GALNTL6: variants seen among roughly 807,000 people sequenced by gnomAD.
GALNTL6 encodes the protein polypeptide N-acetylgalactosaminyltransferase like 6, also known as polypeptide N-acetylgalactosaminyltransferase-like 6.
In GALNTL6, 46 loss-of-function variants were observed where a neutral mutation model predicts 73.7. The observed-to-expected ratio is 0.62, with a 90% CI of 0.49 to 0.80. The LOEUF is 0.80. Ranked by LOEUF, GALNTL6 falls within the 30% of genes least tolerant of loss-of-function variation. GALNTL6 has a pLI of 0.00. For synonymous variants in GALNTL6, 259 were observed against 263.7 expected (o/e 0.98, Z 0.17); for missense variants, 604 against 755.0 (o/e 0.80, Z 2.34).
chr4:172,207,084 T>C (rs567622448), intron 2 of GALNTL6, among the ~76,000 whole-genome samples: 4 of 151,964 alleles, frequency 2.6e-5, no homozygotes, highest in African/African-American at 9.7e-5. Context: ...CCCAAAGTGC[T>C]GGGATTACAG....
chr4:172,103,728 A>G (rs1410094722), intron 2 of GALNTL6, among the ~76,000 whole-genome samples: 2 of 152,162 alleles, frequency 1.3e-5, no homozygotes, highest in African/African-American at 4.8e-5. Context: ...TATCTGTGCT[A>G]GAAGAAAAGG....
intron 2 of GALNTL6, among the ~76,000 whole-genome samples, chr4:171,849,158 T>C (rs1395812440): frequency 1.3e-5 from 2 of 152,206 alleles, no homozygotes; most frequent in Admixed American, 1.3e-4. Flanking sequence ...TTTTAGCTTT[T>C]GATTTAAGCT....
intron 5 of GALNTL6, among the ~76,000 whole-genome samples, chr4:172,702,306 G>A (rs1005521802): frequency 6.6e-6 from 1 of 151,978 alleles, no homozygotes; most frequent in African/African-American, 2.4e-5. Context: ...CAATATTTAT[G>A]CCTTCATTTA....
At chr4:172,642,571 G>A (rs1223960784) in intron 5 of GALNTL6, among the ~76,000 whole-genome samples, 2 of 151,858 alleles carry the variant, frequency 1.3e-5, no homozygotes, top group Non-Finnish European at 2.9e-5. Flanking sequence ...CAGGGGTGGT[G>A]GGAGACAGGG....
At chr4:172,707,990 A>C (rs1345000536) in intron 5 of GALNTL6, among the ~76,000 whole-genome samples, 1 of 152,102 alleles carries the variant, frequency 6.6e-6, no homozygotes, top group Non-Finnish European at 1.5e-5. Flanking sequence ...AACCTGACTA[A>C]AGTTTGGTCA....
intron 5 of GALNTL6, among the ~76,000 whole-genome samples, chr4:172,700,146 A>G (rs1356616687): frequency 1.3e-5 from 2 of 152,212 alleles, no homozygotes; most frequent in Non-Finnish European, 2.9e-5. Flanking sequence ...TTAAAATCAT[A>G]ACCTTGTAAT....
chr4:172,535,604 C>T (rs115990523), intron 5 of GALNTL6, among the ~76,000 whole-genome samples: 49 of 152,206 alleles, frequency 3.2e-4, no homozygotes, highest in African/African-American at 9.9e-4. Flanking sequence ...CACAGTTCCC[C>T]GAAGTAACTA....
intron 2 of GALNTL6, among the ~76,000 whole-genome samples, chr4:171,840,615 G>T (rs1735213498): frequency 1.3e-5 from 2 of 152,140 alleles, no homozygotes; most frequent in African/African-American, 4.8e-5. Flanking sequence ...AGGAGTGTGG[G>T]TAGCCTTTGG....
At chr4:171,907,992 A>T (rs1288510482) in intron 2 of GALNTL6, among the ~76,000 whole-genome samples, 1 of 152,002 alleles carries the variant, frequency 6.6e-6, no homozygotes, top group Non-Finnish European at 1.5e-5. Flanking sequence ...ACAAAAATTA[A>T]TTCAAGATGG....
chr4:172,966,961 T>A (rs975023794), intron 10 of GALNTL6, among the ~76,000 whole-genome samples: 3 of 152,210 alleles, frequency 2.0e-5, no homozygotes, highest in Non-Finnish European at 2.9e-5. Flanking sequence ...CGGTCAGTCT[T>A]AGATTTTGTA....
At chr4:172,496,915 T>A (rs533391385) in intron 5 of GALNTL6, among the ~76,000 whole-genome samples, 1 of 152,360 alleles carries the variant, frequency 6.6e-6, no homozygotes, top group Admixed American at 6.5e-5. Context: ...GTGTTATCAT[T>A]ATGTGATTAT....
intron 5 of GALNTL6, among the ~76,000 whole-genome samples, chr4:172,807,328 A>G (rs954622235): frequency 1.3e-5 from 2 of 152,370 alleles, no homozygotes; most frequent in East Asian, 1.9e-4. Context: ...TGCAAGAGAT[A>G]CAAGATGATG....
intron 5 of GALNTL6, among the ~76,000 whole-genome samples, chr4:172,758,912 A>T (rs1737907521): frequency 6.6e-6 from 1 of 152,240 alleles, no homozygotes; most frequent in Non-Finnish European, 1.5e-5. Flanking sequence ...ATGCGAGGAC[A>T]ATAAAAGTCC....
At chr4:172,651,299 T>C (rs1740466222) in intron 5 of GALNTL6, among the ~76,000 whole-genome samples, 1 of 152,218 alleles carries the variant, frequency 6.6e-6, no homozygotes, top group South Asian at 2.1e-4. Flanking sequence ...AGGGAAATGA[T>C]ATTGCAACAG....
chr4:172,248,662 G>T (rs1273755726), intron 3 of GALNTL6, among the ~76,000 whole-genome samples: 2 of 152,038 alleles, frequency 1.3e-5, no homozygotes, highest in Non-Finnish European at 2.9e-5. Flanking sequence ...AATTCCCAAG[G>T]GTCCTGAGAG....
intron 5 of GALNTL6, among the ~76,000 whole-genome samples, chr4:172,799,333 A>G (rs376311762): frequency 1.9e-4 from 29 of 152,260 alleles, no homozygotes; most frequent in African/African-American, 5.3e-4. Context: ...CAGTGGGGGG[A>G]AAAATTACAA....
At chr4:172,486,182 G>A (rs1193436409) in intron 5 of GALNTL6, among the ~76,000 whole-genome samples, 1 of 152,112 alleles carries the variant, frequency 6.6e-6, no homozygotes, top group African/African-American at 2.4e-5. Flanking sequence ...GGAATAAAAA[G>A]AAGGCTCCCA....
intron 2 of GALNTL6, among the ~76,000 whole-genome samples, chr4:172,093,824 G>A (rs1007375593): frequency 2.6e-5 from 4 of 152,160 alleles, no homozygotes; most frequent in Admixed American, 1.3e-4. Flanking sequence ...GCCTGATGAC[G>A]TATCACTGTC....
intron 2 of GALNTL6, among the ~76,000 whole-genome samples, chr4:172,054,790 A>C (rs1485576698): frequency 6.6e-6 from 1 of 152,160 alleles, no homozygotes; most frequent in African/African-American, 2.4e-5. Context: ...TTCTTGTCAA[A>C]CTCATATTGT....
Sources: allele counts gnomAD v4.1 joint callset (sites outside exome capture counted in the v4.1 genomes callset), GRCh38; gene constraint gnomAD v4.1.1; transcripts MANE v1.5; gene names NCBI Gene and HGNC (gene_info 2026-07-23, HGNC 2026-07-21).